Variants in TET1 observed in about 807,000 individuals in gnomAD.
TET1 encodes the protein tet methylcytosine dioxygenase 1, also known as methylcytosine dioxygenase TET1.
A neutral mutation model predicts 148.7 loss-of-function variants in TET1; 13 were observed. That is an observed-to-expected ratio of 0.09 (90% CI 0.06 to 0.14). TET1 has a LOEUF of 0.14. TET1 is among the 10% of genes least tolerant of loss of function. TET1 has a pLI of 1.00. For synonymous variants in TET1, 907 were observed against 937.2 expected (o/e 0.97, Z 0.59); for missense variants, 2,182 against 2,553.8 (o/e 0.85, Z 3.14).
At chr10:68,637,382 A>G (rs2054668987) in intron 3 of TET1, among the ~76,000 whole-genome samples, 1 of 152,090 alleles carries the variant, frequency 6.6e-6, no homozygotes, top group African/African-American at 2.4e-5. Context: ...TTGGGAAAAT[A>G]AGGTTGTTGG....
In TET1 at chr10:68,693,076, T is replaced by TTTA. The variant is rs2055613979; in HGVS notation, c.*1264_*1266dup. On this transcript the variant is annotated 3_prime_UTR_variant, in exon 12 of 12. Transcript: ENST00000373644. ...TGTCCATTAAGAGCTAATTCATTTG[T>TTTA]TTATCTTAGCATACTAGATTTGGGA... 1 of 229,762 alleles carries TTTA rather than the reference T, an allele frequency of 4.4e-6. No individual in the cohort carries two copies. The highest frequency in any genetic ancestry group is 8.5e-6 in the Non-Finnish European group (1 of 117,102). 14.2% of individuals were successfully genotyped at this position (229,762 alleles called of 1,614,324 possible).
intron 3 of TET1, chr10:68,632,277 C>T (rs1429700832): frequency 9.7e-7 from 1 of 1,035,370 alleles, no homozygotes; most frequent in Non-Finnish European, 1.4e-6. Flanking sequence ...AGCCGAGATC[C>T]CGCCACTGCA....
chr10:68,585,865 A>G (rs1254180349), intron 2 of TET1, among the ~76,000 whole-genome samples: 2 of 151,860 alleles, frequency 1.3e-5, no homozygotes, highest in South Asian at 4.2e-4. Context: ...AAAATTAGCC[A>G]GGCATGGTGG....
chr10:68,606,319 A>G (rs7072676), intron 3 of TET1, among the ~76,000 whole-genome samples: 4,319 of 152,332 alleles, frequency 0.028, 195 homozygotes, highest in African/African-American at 0.099. Context: ...GTCAGCCGAG[A>G]TTGTGCCTCT....
intron 3 of TET1, among the ~76,000 whole-genome samples, chr10:68,630,619 C>T (rs376254261): frequency 1.5e-3 from 230 of 152,216 alleles, no homozygotes; most frequent in African/African-American, 5.3e-3. Context: ...CTGGCCTAGA[C>T]GTGGTTGACT....
intron 4 of TET1, among the ~76,000 whole-genome samples, chr10:68,647,792 G>A (rs796302716): frequency 2.6e-5 from 4 of 152,104 alleles, no homozygotes; most frequent in Non-Finnish European, 5.9e-5. Context: ...GGCAGTTGCC[G>A]TCCTACTCTA....
chr10:68,591,682 C>T (rs1302679449), intron 2 of TET1, among the ~76,000 whole-genome samples: 1 of 152,138 alleles, frequency 6.6e-6, no homozygotes, highest in Non-Finnish European at 1.5e-5. Flanking sequence ...GTGGGTGGAT[C>T]ATGAGATCAG....
rs188023150 is a variant in TET1 at position 68,570,950 on chromosome 10, T to C, written c.-122-1267T>C. Among the ~76,000 whole-genome samples the C allele has an allele frequency of 2.6e-4, 40 of 151,590 alleles. 2 individuals are homozygous for C. The highest frequency in any genetic ancestry group is 9.4e-4 in the African/African-American group (39 of 41,348). Reference sequence around the variant, plus strand: ...GCCTGGCCTAATTATTTTTAAATTTTTGTCATTTTCTATTTTTGTTATTTT... The same window carrying C: ...GCCTGGCCTAATTATTTTTAAATTTCTGTCATTTTCTATTTTTGTTATTTT... On this transcript the variant is annotated intron_variant, in intron 1 of 11. Transcript: ENST00000373644.
rs2054850396 is a variant in TET1 at position 68,646,506 on chromosome 10, A to G, written c.3777A>G (p.Pro1259=). ...CAGAGGAAAAGGTGAAGGTTGAACC[A>G]TTGGATTCACTCAGCTTATTTCATC... ...ESAEEKVKVE[P]LDSLSLFHLK... is the part of the protein sequence containing the mutation. The change falls in exon 4 of 12, where the codon CCA becomes CCG. Residue 1259 remains proline, a synonymous_variant. Transcript: ENST00000373644. The G allele has an allele frequency of 1.2e-6, 2 of 1,614,192 alleles. No individual in the cohort carries two copies. Among genetic ancestry groups the G allele is most frequent in the South Asian group, 1.1e-5 (1 of 91,078 alleles).
At chr10:68,600,459 C>A (rs2054039996) in intron 2 of TET1, among the ~76,000 whole-genome samples, 1 of 152,126 alleles carries the variant, frequency 6.6e-6, no homozygotes, top group African/African-American at 2.4e-5. Context: ...TGGTGAGAGC[C>A]GAGCCGCACA....
At chr10:68,633,617 T>C (rs751836182) in intron 3 of TET1, among the ~76,000 whole-genome samples, 1 of 152,106 alleles carries the variant, frequency 6.6e-6, no homozygotes, top group East Asian at 1.9e-4. Context: ...TTTGTAGAGA[T>C]AGGGTTTCAC....
rs1210468278 is a variant in TET1, at chr10:68,645,007, A to C, written c.2278A>C (p.Ile760Leu). 1.2e-6 allele frequency: 2 copies of C among 1,613,812 alleles called. No homozygotes were observed. The highest frequency in any genetic ancestry group is 2.2e-5 in the South Asian group (2 of 91,008). The change falls in exon 4 of 12, where the codon ATT becomes CTT. Residue 760 changes from isoleucine (I) to leucine (L), a missense_variant. By Grantham distance (5) the Ile-to-Leu change is conservative. Coordinates refer to ENST00000373644, the MANE Select transcript of TET1 (RefSeq NM_030625.3). ...GTTTGTACAAACCGTAAGAAATGGC[A>C]TTAAACATGTACACTGTTTACCAGC... ...KLFVQTVRNG[I>L]KHVHCLPAET...
intron 1 of TET1, among the ~76,000 whole-genome samples, chr10:68,563,712 C>T (rs925737702): frequency 6.6e-6 from 1 of 152,206 alleles, no homozygotes; most frequent in Admixed American, 6.6e-5. Flanking sequence ...GACGGAGTCT[C>T]GCTCTGTCTC....
chr10:68,586,580 C>T (rs1253084080), intron 2 of TET1, among the ~76,000 whole-genome samples: 6 of 149,306 alleles, frequency 4.0e-5, no homozygotes, highest in Non-Finnish European at 8.9e-5. Context: ...AGTGATCTTT[C>T]CTCCAGCTTT....
At chr10:68,637,381 T>G (rs1183158943) in intron 3 of TET1, among the ~76,000 whole-genome samples, 1 of 152,094 alleles carries the variant, frequency 6.6e-6, no homozygotes, top group African/African-American at 2.4e-5. Flanking sequence ...TTTGGGAAAA[T>G]AAGGTTGTTG....
At chr10:68,575,620 T>C (rs2053720113) in intron 2 of TET1, among the ~76,000 whole-genome samples, 2 of 152,030 alleles carry the variant, frequency 1.3e-5, no homozygotes, top group South Asian at 4.1e-4. Flanking sequence ...TAGAATCGCT[T>C]GAACCCGGGA....
intron 1 of TET1, among the ~76,000 whole-genome samples, chr10:68,568,541 G>A (rs180817004): frequency 3.3e-5 from 5 of 152,256 alleles, no homozygotes; most frequent in Non-Finnish European, 5.9e-5. Flanking sequence ...GTGCCAGGCC[G>A]ATGCTGTGAT....
rs1050106249 is a variant in TET1, at chr10:68,595,598, C to T, written c.1915-5383C>T. Reference sequence around the variant, plus strand: ...TTTAATCCTGAAGCCACAACACACACACACACACAGCTTCTTTTTTTTTTT... The same window carrying T: ...TTTAATCCTGAAGCCACAACACACATACACACACAGCTTCTTTTTTTTTTT... On this transcript the variant is annotated intron_variant, in intron 2 of 11. Transcript: ENST00000373644. Among the ~76,000 whole-genome samples, 7 of 135,806 alleles carry T rather than the reference C, an allele frequency of 5.2e-5. No homozygotes were observed. The East Asian group carries it at 1.6e-3, about 31-fold the overall frequency. 89.1% of individuals were successfully genotyped at this position (135,806 alleles called of 152,430 possible).
chr10:68,618,137 G>A (rs1487821449), intron 3 of TET1, among the ~76,000 whole-genome samples: 2 of 151,978 alleles, frequency 1.3e-5, no homozygotes, highest in East Asian at 3.9e-4. Context: ...AGTAAAGGAG[G>A]AAACCTTTTA....
Sources: gnomAD v4.1 joint callset for allele counts (sites outside exome capture counted in the v4.1 genomes callset) on GRCh38, gnomAD v4.1.1 for gene constraint, MANE v1.5 for transcripts, NCBI Gene and HGNC (gene_info 2026-07-23, HGNC 2026-07-21) for gene names.